Variants in PSD3 observed in about 807,000 individuals in gnomAD.
PSD3 encodes the protein PH and SEC7 domain-containing protein 3.
A neutral mutation model predicts 105.5 loss-of-function variants in PSD3; 49 were observed. The observed-to-expected ratio is 0.46, with a 90% CI of 0.37 to 0.59. The LOEUF (loss-of-function observed/expected upper bound fraction) is 0.59. Ranked by LOEUF, PSD3 falls within the 20% of genes least tolerant of loss-of-function variation. The probability of loss-of-function intolerance (pLI) is 0.00; values close to 1 mark genes in which losing one functional copy is unlikely to be tolerated. For missense variants in PSD3, 1,561 were observed against 1,263.8 expected (o/e 1.24, Z -3.57); for synonymous variants, 557 against 457.8 (o/e 1.22, Z -2.77).
intron 2 of PSD3, among the ~76,000 whole-genome samples, chr8:18,873,684 TCCTA>T (rs1817539551): frequency 6.6e-6 from 1 of 152,104 alleles, no homozygotes; most frequent in Admixed American, 6.6e-5. Flanking sequence ...AATTTATTCC[TCCTA>T]CCTATCTGCA....
intron 10 of PSD3, among the ~76,000 whole-genome samples, chr8:18,634,561 G>A (rs927540001): frequency 1.3e-5 from 2 of 152,036 alleles, no homozygotes; most frequent in African/African-American, 4.8e-5. Context: ...TGATCCCACA[G>A]TGCATTCTGT....
intron 15 of PSD3, among the ~76,000 whole-genome samples, chr8:18,538,308 G>C (rs1456419019): frequency 6.6e-6 from 1 of 152,188 alleles, no homozygotes; most frequent in Admixed American, 6.5e-5. Context: ...CATTATCTCA[G>C]AAGGCCACAT....
chr8:18,630,598 T>C (rs1429827744), intron 11 of PSD3, among the ~76,000 whole-genome samples: 3 of 152,090 alleles, frequency 2.0e-5, no homozygotes, highest in South Asian at 2.1e-4. Flanking sequence ...AAGTAGTAAA[T>C]ACTCCGAATA....
At chr8:18,743,461 A>G (rs1804737164) in intron 9 of PSD3, among the ~76,000 whole-genome samples, 1 of 152,138 alleles carries the variant, frequency 6.6e-6, no homozygotes, top group Admixed American at 6.5e-5. Flanking sequence ...TACAATAGAT[A>G]ATGAGATAAC....
chr8:18,804,673 A>G (rs1811040083), intron 5 of PSD3, 31 bp downstream of exon 5: 1 of 1,612,318 alleles, frequency 6.2e-7, no homozygotes, highest in African/African-American at 1.3e-5. Flanking sequence ...ACAGGAGAGA[A>G]TTCAGACTCC....
chr8:18,864,873 G>T (rs1290130688), intron 4 of PSD3: 1 of 151,802 alleles, frequency 6.6e-6, no homozygotes, highest in East Asian at 1.9e-4. Flanking sequence ...ATTTTAAAAG[G>T]CCAGCTCACT....
chr8:18,661,799 G>A (rs1809368956), intron 9 of PSD3, among the ~76,000 whole-genome samples: 1 of 152,104 alleles, frequency 6.6e-6, no homozygotes, highest in African/African-American at 2.4e-5. Flanking sequence ...TCCATTTTAG[G>A]GAGAAGTACA....
At chr8:18,662,884 A>C (rs1809460271) in intron 9 of PSD3, among the ~76,000 whole-genome samples, 1 of 152,198 alleles carries the variant, frequency 6.6e-6, no homozygotes, top group African/African-American at 2.4e-5. Context: ...TAAAATTGCA[A>C]ATGAACGAAC....
chr8:18,775,410 T>C (rs1455603845), intron 8 of PSD3, among the ~76,000 whole-genome samples: 1 of 152,224 alleles, frequency 6.6e-6, no homozygotes, highest in East Asian at 1.9e-4. Flanking sequence ...ATGGTAGTTC[T>C]ATAGTTTTTC....
At chr8:18,941,757 C>A (rs928787001) in intron 1 of PSD3, among the ~76,000 whole-genome samples, 1 of 149,136 alleles carries the variant, frequency 6.7e-6, no homozygotes, top group East Asian at 2.0e-4. Flanking sequence ...ACTGCAACCT[C>A]CGCCTCCCGG....
At chr8:18,881,333 T>C (rs760239281) in intron 2 of PSD3, among the ~76,000 whole-genome samples, 3 of 152,128 alleles carry the variant, frequency 2.0e-5, no homozygotes, top group East Asian at 1.9e-4. Context: ...TGAAATGAAA[T>C]AGAAAGAAAT....
chr8:18,790,361 G>A (rs995941767), intron 8 of PSD3, among the ~76,000 whole-genome samples: 2 of 147,222 alleles, frequency 1.4e-5, no homozygotes, highest in Non-Finnish European at 3.0e-5. Context: ...GGAGTGCAGT[G>A]GAGTGATCTC....
At chr8:18,975,974 A>G (rs1308622768) in intron 1 of PSD3, among the ~76,000 whole-genome samples, 3 of 152,206 alleles carry the variant, frequency 2.0e-5, no homozygotes, top group African/African-American at 7.2e-5. Context: ...TGCCTTAAAA[A>G]TGTATATTCC....
At chr8:18,613,358 G>T (rs1284216524) in intron 11 of PSD3, among the ~76,000 whole-genome samples, 3 of 152,114 alleles carry the variant, frequency 2.0e-5, no homozygotes, top group African/African-American at 7.2e-5. Flanking sequence ...GAGGAGCCTG[G>T]TCTCTCTCGT....
At chr8:18,621,388 A>G (rs368787931) in intron 11 of PSD3, among the ~76,000 whole-genome samples, 97 of 152,334 alleles carry the variant, frequency 6.4e-4, no homozygotes, top group African/African-American at 2.1e-3. Context: ...AGCCTGGGCA[A>G]CAGAGTGAGA....
At chr8:18,579,713 A>G (rs1025409718) in intron 12 of PSD3, among the ~76,000 whole-genome samples, 3 of 152,208 alleles carry the variant, frequency 2.0e-5, no homozygotes, top group East Asian at 3.8e-4. Context: ...ATTGGCATCA[A>G]GTCTGAAAAA....
intron 9 of PSD3, among the ~76,000 whole-genome samples, chr8:18,735,776 C>A (rs543186183): frequency 1.3e-5 from 2 of 152,212 alleles, no homozygotes; most frequent in East Asian, 3.9e-4. Flanking sequence ...TGGATACCAA[C>A]AACAGTTCTT....
rs1585186088 is a variant in PSD3 at position 18,533,260 on chromosome 8, G to A, written c.*2483C>T. On this transcript the variant is annotated 3_prime_UTR_variant, in exon 16 of 16. Coordinates refer to ENST00000327040, the MANE Select transcript of PSD3 (RefSeq NM_015310.4). ...AACCTTCAGAAGCCTCAGGGAAGAG[G>A]TGTTCTCAGCCCATGCGCTAAAGAT... The A allele has an allele frequency of 6.6e-6, 1 of 152,158 alleles. No homozygotes were observed. Among genetic ancestry groups the A allele is most frequent in the Non-Finnish European group, 1.5e-5 (1 of 68,052 alleles). 9.4% of individuals were successfully genotyped at this position (152,158 alleles called of 1,614,324 possible). A position where few individuals can be genotyped will look rare whatever the true frequency, so the allele number is the denominator to read the frequency against.
chr8:18,663,532 A>G (rs574068984), intron 9 of PSD3, among the ~76,000 whole-genome samples: 69 of 152,236 alleles, frequency 4.5e-4, no homozygotes, highest in African/African-American at 1.6e-3. Context: ...GTATGCATTC[A>G]TTTATTTATT....
Sources: allele counts gnomAD v4.1 joint callset (sites outside exome capture counted in the v4.1 genomes callset), GRCh38; gene constraint gnomAD v4.1.1; transcripts MANE v1.5; gene names NCBI Gene and HGNC (gene_info 2026-07-23, HGNC 2026-07-21).